Variants in GMDS observed in about 807,000 individuals in gnomAD.
The protein encoded by GMDS is GDP-mannose 4,6-dehydratase.
A neutral mutation model predicts 49.9 loss-of-function variants in GMDS; 20 were observed. The ratio of observed to expected loss-of-function variants is 0.40; its 90% CI spans 0.28 to 0.58. The LOEUF (loss-of-function observed/expected upper bound fraction) is 0.58. GMDS is among the 20% of genes least tolerant of loss of function. The probability of loss-of-function intolerance (pLI) is 0.42; values close to 1 mark genes in which losing one functional copy is unlikely to be tolerated. For synonymous variants in GMDS, 177 were observed against 178.6 expected (o/e 0.99, Z 0.07); for missense variants, 362 against 481.4 (o/e 0.75, Z 2.32).
At chr6:1,805,628 C>G (rs1327904668) in intron 7 of GMDS, among the ~76,000 whole-genome samples, 1 of 152,186 alleles carries the variant, frequency 6.6e-6, no homozygotes, top group African/African-American at 2.4e-5. Flanking sequence ...TCTGTTAATG[C>G]AGACATTAAT....
rs3039695 is a variant in GMDS at position 1,744,987 on chromosome 6, G to GCACA, written c.772-2405_772-2402dup. ...CGTGGACACACACAGAGGCACACGT[G>GCACA]CACACACACACACACAGAAACTTAT... On this transcript the variant is annotated intron_variant, in intron 7 of 10. Transcript: ENST00000380815. 5.0e-4 allele frequency among the ~76,000 whole-genome samples: 75 copies of GCACA among 151,440 alleles called. 1 individual carries two copies. Among genetic ancestry groups the GCACA allele is most frequent in the Middle Eastern group, 3.5e-3 (1 of 288 alleles).
At chr6:1,832,202 G>A (rs1005256922) in intron 7 of GMDS, among the ~76,000 whole-genome samples, 8 of 150,926 alleles carry the variant, frequency 5.3e-5, no homozygotes, top group African/African-American at 1.9e-4. Flanking sequence ...ACCAGCCTGG[G>A]CAATATAACA....
chr6:1,661,469 T>C (rs937472657), intron 9 of GMDS, among the ~76,000 whole-genome samples: 4 of 152,128 alleles, frequency 2.6e-5, no homozygotes, highest in African/African-American at 9.7e-5. Flanking sequence ...ATTTGACATA[T>C]AAGGAAACAG....
intron 1 of GMDS, among the ~76,000 whole-genome samples, chr6:2,170,766 C>G (rs562104842): frequency 6.6e-6 from 1 of 152,056 alleles, no homozygotes; most frequent in South Asian, 2.1e-4. Context: ...GAGGCCGAGG[C>G]GGGTGGATCA....
intron 7 of GMDS, among the ~76,000 whole-genome samples, chr6:1,845,544 A>G (rs1466407422): frequency 6.6e-6 from 1 of 152,186 alleles, no homozygotes; most frequent in Non-Finnish European, 1.5e-5. Flanking sequence ...GCTCTCTACT[A>G]CTTTAAATTC....
At chr6:1,710,440 G>A (rs1765904900) in intron 9 of GMDS, among the ~76,000 whole-genome samples, 1 of 152,202 alleles carries the variant, frequency 6.6e-6, no homozygotes, top group Admixed American at 6.5e-5. Context: ...GCAGCCACCT[G>A]CTCTGGACCT....
intron 7 of GMDS, among the ~76,000 whole-genome samples, chr6:1,860,590 TA>T (rs1444266605): frequency 6.6e-6 from 1 of 152,212 alleles, no homozygotes; most frequent in Non-Finnish European, 1.5e-5. Context: ...AACTACATAC[TA>T]ATAACAGTAC....
At chr6:1,891,418 G>A (rs1759862213) in intron 7 of GMDS, among the ~76,000 whole-genome samples, 1 of 152,192 alleles carries the variant, frequency 6.6e-6, no homozygotes, top group Non-Finnish European at 1.5e-5. Flanking sequence ...CAGAACAAGA[G>A]CCCAGCCCAT....
Position 1,989,500 on chromosome 6 carries a change from G to A in GMDS, c.346-28534C>T, listed in dbSNP as rs115818149. ...TCACATGTTCATATTTTCACCCAGC[G>A]TGACACTTCACATTTAAATTCAAGA... is the stretch of plus-strand genomic sequence containing the variant. On this transcript the variant is annotated intron_variant, in intron 4 of 10. Transcript: ENST00000380815. Among the ~76,000 whole-genome samples, 129 of 152,302 alleles carry A rather than the reference G, an allele frequency of 8.5e-4. No homozygotes were observed. The Middle Eastern group carries it at 0.02, about 24-fold the overall frequency.
intron 9 of GMDS, among the ~76,000 whole-genome samples, chr6:1,699,930 T>C (rs899715028): frequency 5.9e-5 from 9 of 152,378 alleles, no homozygotes; most frequent in East Asian, 5.8e-4. Context: ...CAGAGGCAGC[T>C]GGCCTAAGCC....
intron 1 of GMDS, among the ~76,000 whole-genome samples, chr6:2,164,633 C>T (rs774710129): frequency 1.3e-5 from 2 of 152,190 alleles, no homozygotes; most frequent in Non-Finnish European, 2.9e-5. Flanking sequence ...TCCCAACTTT[C>T]GGCACCCCCT....
chr6:1,803,407 G>A (rs1346016867), intron 7 of GMDS, among the ~76,000 whole-genome samples: 2 of 149,648 alleles, frequency 1.3e-5, no homozygotes, highest in South Asian at 2.1e-4. Context: ...TCTTTTTTCC[G>A]TCTCTCCTTA....
intron 4 of GMDS, among the ~76,000 whole-genome samples, chr6:2,099,791 T>G (rs1773820700): frequency 6.6e-6 from 1 of 152,106 alleles, no homozygotes; most frequent in Non-Finnish European, 1.5e-5. Flanking sequence ...AAATATTTCT[T>G]GAGAAAAACC....
At chr6:1,784,190 T>C (rs1488152385) in intron 7 of GMDS, among the ~76,000 whole-genome samples, 1 of 152,030 alleles carries the variant, frequency 6.6e-6, no homozygotes, top group Non-Finnish European at 1.5e-5. Context: ...TTTGATAATC[T>C]TGACCAATCT....
intron 7 of GMDS, among the ~76,000 whole-genome samples, chr6:1,808,849 A>T (rs186429837): frequency 1.6e-3 from 241 of 152,204 alleles, no homozygotes; most frequent in African/African-American, 4.6e-3. Flanking sequence ...GTAATTTTTT[A>T]AAAAAAATCC....
chr6:2,069,114 G>GT (rs1289610071), intron 4 of GMDS, among the ~76,000 whole-genome samples: 2 of 151,962 alleles, frequency 1.3e-5, no homozygotes, highest in African/African-American at 4.8e-5. Flanking sequence ...ATAACGTCGC[G>GT]TATCTAAAAC....
chr6:1,830,189 T>C (rs753966971), intron 7 of GMDS, among the ~76,000 whole-genome samples: 12 of 152,226 alleles, frequency 7.9e-5, no homozygotes, highest in African/African-American at 2.4e-4. Flanking sequence ...ATGTGGGACA[T>C]TGCAGATATA....
intron 9 of GMDS, among the ~76,000 whole-genome samples, chr6:1,710,558 C>T (rs982907335): frequency 4.6e-5 from 7 of 152,150 alleles, no homozygotes; most frequent in Non-Finnish European, 8.8e-5. Context: ...CCAAAACACA[C>T]GTCTGCCCTG....
intron 1 of GMDS, among the ~76,000 whole-genome samples, chr6:2,205,340 T>C (rs1312560929): frequency 6.6e-6 from 1 of 152,174 alleles, no homozygotes; most frequent in Non-Finnish European, 1.5e-5. Flanking sequence ...GAAAAGTTCA[T>C]CTCCTTAAGT....
Sources: allele counts gnomAD v4.1 joint callset (sites outside exome capture counted in the v4.1 genomes callset), GRCh38; gene constraint gnomAD v4.1.1; transcripts MANE v1.5; gene names NCBI Gene and HGNC (gene_info 2026-07-23, HGNC 2026-07-21).